LGR5: variants seen among roughly 807,000 people sequenced by gnomAD.
LGR5 encodes the protein leucine rich repeat containing G protein-coupled receptor 5.
A neutral mutation model predicts 76.7 loss-of-function variants in LGR5; 54 were observed. That is an observed-to-expected ratio of 0.70 (90% CI 0.57 to 0.88). LGR5 has a LOEUF of 0.88. LGR5 is among the 40% of genes least tolerant of loss of function. The pLI is 0.00. For synonymous variants in LGR5, 406 were observed against 421.9 expected (o/e 0.96, Z 0.46); for missense variants, 1,078 against 1,073.3 (o/e 1.00, Z -0.06).
chr12:71,456,728 A>G (rs1872494669), intron 1 of LGR5, among the ~76,000 whole-genome samples: 1 of 152,202 alleles, frequency 6.6e-6, no homozygotes, highest in Admixed American at 6.5e-5. Flanking sequence ...CAGACATTTT[A>G]GCTAGAAATT....
At chr12:71,497,912 A>T (rs771073051) in intron 1 of LGR5, among the ~76,000 whole-genome samples, 3 of 152,222 alleles carry the variant, frequency 2.0e-5, no homozygotes, top group Non-Finnish European at 4.4e-5. Flanking sequence ...TCAAATACCA[A>T]ATCTCAACTA....
chr12:71,556,106 G>A (rs1334985852), intron 5 of LGR5, among the ~76,000 whole-genome samples: 1 of 152,138 alleles, frequency 6.6e-6, no homozygotes, highest in Non-Finnish European at 1.5e-5. Flanking sequence ...CTTAGAAGTG[G>A]GAGTTAAATG....
rs73339868 is a variant in LGR5, at chr12:71,578,827, C to T, written c.1304C>T (p.Ser435Leu). Reference sequence around the variant, plus strand: ...AGGGACCTATCGTCCAACCTCCTGTCGTCTTTTCCTATAACTGGGTTACAT... The same window carrying T: ...AGGGACCTATCGTCCAACCTCCTGTTGTCTTTTCCTATAACTGGGTTACAT... Reference protein sequence around the residue: ...IKLDLSSNLLSSFPITGLHGL... With the variant: ...IKLDLSSNLLLSFPITGLHGL... Residue 435 changes from serine to leucine, a missense_variant, in exon 15 of 18, where the codon TCG (serine) becomes TTG (leucine). Physicochemically the swap from Ser to Leu is moderately radical, Grantham distance 145 (BLOSUM62 -2). Coordinates refer to ENST00000266674, the MANE Select transcript of LGR5 (RefSeq NM_003667.4). 4.1e-4 allele frequency: 659 copies of T among 1,609,742 alleles called. 1 individual carries two copies. The African/African-American group carries it at 6.6e-3, about 16-fold the overall frequency.
At chr12:71,477,465 T>A (rs1376409689) in intron 1 of LGR5, among the ~76,000 whole-genome samples, 1 of 149,208 alleles carries the variant, frequency 6.7e-6, no homozygotes, top group Non-Finnish European at 1.5e-5. Flanking sequence ...TTATATGTGA[T>A]AATGTAATAT....
At chr12:71,544,232 A>ATTTCT (rs1877025417) in intron 4 of LGR5, among the ~76,000 whole-genome samples, 1 of 149,256 alleles carries the variant, frequency 6.7e-6, no homozygotes, top group Non-Finnish European at 1.5e-5. Context: ...ATCTCTCCCC[A>ATTTCT]ACCTGGAGAG....
intron 14 of LGR5, among the ~76,000 whole-genome samples, 195 bp from the exon 15 acceptor site, chr12:71,578,609 C>G (rs1212079089): frequency 6.6e-6 from 1 of 152,174 alleles, no homozygotes; most frequent in Admixed American, 6.5e-5. Context: ...AACCTTTTCT[C>G]CCCTACAATC....
At chr12:71,569,068 C>T (rs1878480467) in intron 11 of LGR5, among the ~76,000 whole-genome samples, 2 of 152,142 alleles carry the variant, frequency 1.3e-5, no homozygotes, top group Non-Finnish European at 2.9e-5. Flanking sequence ...GCAAAGGATT[C>T]CCTGTTTAAT....
intron 1 of LGR5, among the ~76,000 whole-genome samples, chr12:71,464,531 A>G (rs1017640073): frequency 4.4e-4 from 67 of 152,334 alleles, no homozygotes; most frequent in African/African-American, 1.6e-3. Context: ...GAGGAGACAC[A>G]GGGCCACAGG....
At position 71,563,662 on chromosome 12, in the gene LGR5, C is replaced by T. The variant is rs559910065; in HGVS notation, c.857+1810C>T. Among the ~76,000 whole-genome samples, 7 of 152,282 alleles carry T rather than the reference C, an allele frequency of 4.6e-5. No individual in the cohort carries two copies. In the South Asian group the frequency reaches 6.2e-4, roughly 14 times the overall value. ...TCTTTTCTTACTTCCTTTGCTCCTA[C>T]GATCCCATTCCCTCACTATGCTTCT... On this transcript the variant is annotated intron_variant, in intron 8 of 17. Transcript: ENST00000266674.
At chr12:71,526,693 T>C (rs1046382823) in intron 3 of LGR5, among the ~76,000 whole-genome samples, 34 of 152,142 alleles carry the variant, frequency 2.2e-4, no homozygotes, top group African/African-American at 8.0e-4. Flanking sequence ...CTGATTTTTG[T>C]GGAAAGTGTA....
intron 4 of LGR5, among the ~76,000 whole-genome samples, chr12:71,539,543 T>G (rs112414097): frequency 0.043 from 6,556 of 152,296 alleles, 155 homozygotes; most frequent in South Asian, 0.071. Flanking sequence ...AGTGGTGCGA[T>G]CTCAGCTCGC....
At chr12:71,458,067 G>A (rs1244416222) in intron 1 of LGR5, among the ~76,000 whole-genome samples, 1 of 152,008 alleles carries the variant, frequency 6.6e-6, no homozygotes, top group African/African-American at 2.4e-5. Flanking sequence ...GTCATTAGAT[G>A]AGAAGGAAAG....
intron 17 of LGR5, 32 bp from the exon 18 acceptor site, chr12:71,583,615 A>G (rs1239238452): frequency 6.4e-7 from 1 of 1,571,936 alleles, no homozygotes; most frequent in Admixed American, 1.8e-5. Context: ...CCCTAATTTG[A>G]TACTCAATCT....
intron 4 of LGR5, among the ~76,000 whole-genome samples, chr12:71,537,535 T>C (rs1280826): frequency 0.97 from 148,049 of 152,246 alleles, 72,128 homozygotes; most frequent in Middle Eastern, 1. Flanking sequence ...AACCACCAAC[T>C]CTGCAGATAC....
intron 4 of LGR5, among the ~76,000 whole-genome samples, chr12:71,541,485 C>T (rs1876878351): frequency 6.6e-6 from 1 of 152,182 alleles, no homozygotes; most frequent in Admixed American, 6.5e-5. Context: ...ACAGAGATGA[C>T]TACCATATAA....
At position 71,584,167 on chromosome 12, in the gene LGR5, G is replaced by C; in HGVS notation, c.2157G>C (p.Glu719Asp). 1 of 1,614,188 alleles carries C rather than the reference G, an allele frequency of 6.2e-7. No homozygotes were observed. The highest frequency in any genetic ancestry group is 8.5e-7 in the Non-Finnish European group (1 of 1,180,046). The change falls in exon 18 of 18, where the codon GAG (glutamate) becomes GAC (aspartate). Residue 719 changes from glutamate (E) to aspartate (D), a missense_variant. Transcript: ENST00000266674. Reference sequence around the variant, plus strand: ...TCTGCCTGCCTTTGCCTTTTGGGGAGCCCAGCACCATGGGCTACATGGTCG... The same window carrying C: ...TCTGCCTGCCTTTGCCTTTTGGGGACCCCAGCACCATGGGCTACATGGTCG... ...SPLCLPLPFG[E>D]PSTMGYMVAL...
chr12:71,560,766 C>T (rs1263748795), intron 7 of LGR5, among the ~76,000 whole-genome samples: 1 of 152,208 alleles, frequency 6.6e-6, no homozygotes, highest in Non-Finnish European at 1.5e-5. Context: ...GCACTCCAGC[C>T]TGGGAGACAG....
intron 4 of LGR5, among the ~76,000 whole-genome samples, chr12:71,552,402 TA>T (rs1877532257): frequency 6.6e-6 from 1 of 151,748 alleles, no homozygotes; most frequent in Non-Finnish European, 1.5e-5. Flanking sequence ...CTGTCTCTAC[TA>T]AAAATGTAAA....
chr12:71,573,136 G>C, intron 13 of LGR5: 1 of 405,692 alleles, frequency 2.5e-6, no homozygotes, highest in South Asian at 4.8e-5. Context: ...TCAGCAGGCA[G>C]GAAGTTTTAA....
Sources: allele counts gnomAD v4.1 joint callset (sites outside exome capture counted in the v4.1 genomes callset), GRCh38; gene constraint gnomAD v4.1.1; transcripts MANE v1.5; gene names NCBI Gene and HGNC (gene_info 2026-07-23, HGNC 2026-07-21).